Variants in PSMD13 observed in about 807,000 individuals in gnomAD.
PSMD13 encodes the protein 26S proteasome non-ATPase regulatory subunit 13.
PSMD13 carries 8 observed loss-of-function variants against 57.4 expected under a neutral mutation model. The ratio of observed to expected loss-of-function variants is 0.14; its 90% CI spans 0.08 to 0.25. The LOEUF (loss-of-function observed/expected upper bound fraction) is 0.25. Ranked by LOEUF, PSMD13 falls within the 10% of genes least tolerant of loss-of-function variation. The pLI is 1.00. For missense variants in PSMD13, 400 were observed against 461.5 expected (o/e 0.87, Z 1.22); for synonymous variants, 193 against 168.2 (o/e 1.15, Z -1.14).
At chr11:244,835 TTTC>T (rs1203995093) in intron 6 of PSMD13, 74 bp downstream of exon 6, 2 of 1,240,142 alleles carry the variant, frequency 1.6e-6, no homozygotes, top group Non-Finnish European at 2.3e-6. Flanking sequence ...ATAACCTATT[TTTC>T]TTCTTTACTG....
rs572895373 is a variant in PSMD13 at position 250,508 on chromosome 11, C to T, written c.775-295C>T. Among the ~76,000 whole-genome samples, 13 of 152,284 alleles carry T rather than the reference C, an allele frequency of 8.5e-5. No individual in the cohort carries two copies. The South Asian group carries it at 1.2e-3, about 15-fold the overall frequency. On this transcript the variant is annotated intron_variant, in intron 9 of 12. Coordinates refer to ENST00000532097, the MANE Select transcript of PSMD13 (RefSeq NM_002817.4). ...ACCAGGAGAGTCTTCTCGAAATGCC[C>T]GTACCCTGTGGCCCTGCCTAATGGT...
rs1399393778 is a variant in PSMD13 at position 248,776 on chromosome 11, T to C, written c.569T>C (p.Val190Ala). The change falls in exon 8 of 13, where the codon GTG becomes GCG. Residue 190 changes from valine to alanine, a missense_variant and splice_region_variant. Val to Ala is a moderately conservative substitution (Grantham distance 64). Transcript: ENST00000532097. ...LGCVDIKDLP[V>A]SEQQERAFTL... ...AAGTGGGCCTGTGTTGCTACCATAG[T>C]GTCTGAGCAGCAGGAGAGAGCCTTC... is the stretch of plus-strand genomic sequence containing the variant. The C allele has an allele frequency of 1.2e-6, 2 of 1,613,894 alleles. No individual in the cohort carries two copies. The highest frequency in any genetic ancestry group is 1.7e-5 in the Admixed American group (1 of 60,012).
Position 244,462 on chromosome 11 carries a change from G to A in PSMD13, c.302G>A (p.Arg101His), listed in dbSNP as rs376432155. Reference protein sequence around the residue: ...NVALTFLEKTREKVKSSDEAV... With the variant: ...NVALTFLEKTHEKVKSSDEAV... The stretch of plus-strand genomic sequence containing the variant: ...GCTCTTACTTTTCTGGAAAAGACTC[G>A]TGAGAAGGTAAATGTGGCATGTGGG... The change falls in exon 5 of 13, where the codon CGT becomes CAT. Residue 101 changes from arginine (R) to histidine (H), a missense_variant. Transcript: ENST00000532097. The A allele has an allele frequency of 1.7e-5, 28 of 1,606,018 alleles. No homozygotes were observed. The highest frequency in any genetic ancestry group is 3.4e-5 in the Admixed American group (2 of 59,368).
chr11:238,541 C>T (rs1859439641), intron 1 of PSMD13, among the ~76,000 whole-genome samples: 1 of 152,142 alleles, frequency 6.6e-6, no homozygotes, highest in South Asian at 2.1e-4. Flanking sequence ...CGCAGTGGCT[C>T]ATGCCTGTAA....
At chr11:241,898 C>G (rs551911915) in intron 2 of PSMD13, among the ~76,000 whole-genome samples, 1 of 152,128 alleles carries the variant, frequency 6.6e-6, no homozygotes, top group African/African-American at 2.4e-5. Flanking sequence ...AGAGACCAAT[C>G]TTCAGTGCTT....
intron 2 of PSMD13, among the ~76,000 whole-genome samples, chr11:241,241 C>G (rs1859507344): frequency 1.3e-5 from 2 of 152,088 alleles, no homozygotes; most frequent in African/African-American, 4.8e-5. Flanking sequence ...CCAGTTCAAG[C>G]CATTCTCATG....
chr11:251,951 A>G lies in PSMD13; in HGVS notation c.1035+15A>G, dbSNP rs1328645540. Reference sequence around the variant, plus strand: ...ATTTGCAACAGGTGATGTGTTTGAAACCCATTATTCACCTCTGTGGATTTT... The same window carrying G: ...ATTTGCAACAGGTGATGTGTTTGAAGCCCATTATTCACCTCTGTGGATTTT... On this transcript the variant is annotated intron_variant, in intron 12 of 12. Transcript: ENST00000532097. This position sits in a 1 kb window ranked among gnomAD's most constrained non-coding sequence, Gnocchi z 4.6. 1.9e-6 allele frequency: 3 copies of G among 1,605,420 alleles called. No individual in the cohort carries two copies. The highest frequency in any genetic ancestry group is 3.3e-5 in the Admixed American group (2 of 59,842).
At chr11:250,933 C>A in intron 10 of PSMD13, 68 bp downstream of exon 10, 3 of 1,388,236 alleles carry the variant, frequency 2.2e-6, no homozygotes, top group South Asian at 2.3e-5. Context: ...GCGCTGCACT[C>A]TCCAAGCCTG....
At chr11:242,042 C>G (rs556978966) in intron 2 of PSMD13, among the ~76,000 whole-genome samples, 1 of 152,188 alleles carries the variant, frequency 6.6e-6, no homozygotes, top group Non-Finnish European at 1.5e-5. Flanking sequence ...GGCCACCTCT[C>G]TAACCGCCCT....
rs567621273 is a variant in PSMD13 at position 237,164 on chromosome 11, G to C, written c.95+20G>C. On this transcript the variant is annotated intron_variant, in intron 1 of 12. Transcript: ENST00000532097. ...GAAGAAGTGAGCGCCGAGCAGACGG[G>C]CCCTGGGCCCCGGCGATAGAGGGAG... 19 of 1,597,720 alleles carry C rather than the reference G, an allele frequency of 1.2e-5. No individual in the cohort carries two copies. Among genetic ancestry groups the C allele is most frequent in the Non-Finnish European group, 1.5e-5 (18 of 1,169,884 alleles).
At position 251,806 on chromosome 11, in the gene PSMD13, C is replaced by A; in HGVS notation, c.919-14C>A. 6.2e-7 allele frequency: 1 copy of A among 1,611,944 alleles called. No homozygotes were observed. The highest frequency in any genetic ancestry group is 8.5e-7 in the Non-Finnish European group (1 of 1,178,328). ...AGGCTATCTTGTCTTACACACGCCT[C>A]CCTCTCTGCACAGGTGGAGCTTCTG... On this transcript the variant is annotated splice_polypyrimidine_tract_variant and intron_variant, in intron 11 of 12. Transcript: ENST00000532097. The surrounding 1 kb of genome is among the most constrained non-coding windows in gnomAD (Gnocchi z 4.6).
chr11:243,560 G>C (rs562610250), intron 2 of PSMD13: 2 of 353,100 alleles, frequency 5.7e-6, no homozygotes, highest in South Asian at 2.4e-5. Flanking sequence ...TTCCACAGTG[G>C]TCTTCTTATT....
chr11:244,109 A>T, intron 3 of PSMD13, 34 bp downstream of exon 3: 1 of 1,606,024 alleles, frequency 6.2e-7, no homozygotes, highest in Non-Finnish European at 8.5e-7. Context: ...CACTTTGAAA[A>T]TGAGTGCATT....
At chr11:248,897 A>G in intron 8 of PSMD13, 35 bp from the exon 9 acceptor site, 3 of 1,614,128 alleles carry the variant, frequency 1.9e-6, no homozygotes, top group Admixed American at 1.7e-5. Context: ...GAGAGAGACT[A>G]AAGTGTTACT....
chr11:245,087 C>T (rs531763688), intron 6 of PSMD13, among the ~76,000 whole-genome samples: 19 of 152,150 alleles, frequency 1.2e-4, no homozygotes, highest in East Asian at 7.7e-4. Flanking sequence ...ATTACAGGCG[C>T]GTGCCTCCCT....
rs2133991144 is a variant in PSMD13, at chr11:248,763, G to A, written c.569-13G>A. ...ATGACTGGATTGTAAGTGGGCCTGT[G>A]TTGCTACCATAGTGTCTGAGCAGCA... On this transcript the variant is annotated splice_polypyrimidine_tract_variant and intron_variant, in intron 7 of 12. Coordinates refer to ENST00000532097, the MANE Select transcript of PSMD13 (RefSeq NM_002817.4). The A allele has an allele frequency of 6.2e-7, 1 of 1,613,222 alleles. No homozygotes were observed. Among genetic ancestry groups the A allele is most frequent in the East Asian group, 2.2e-5 (1 of 44,890 alleles).
At chr11:242,277 AG>A (rs1859531762) in intron 2 of PSMD13, among the ~76,000 whole-genome samples, 1 of 147,522 alleles carries the variant, frequency 6.8e-6, no homozygotes, top group Non-Finnish European at 1.5e-5. Flanking sequence ...ATGGAGTCTG[AG>A]GAAGTGCTCA....
rs1859766215 is a variant in PSMD13, at chr11:251,640, G to C, written c.918+14G>C. On this transcript the variant is annotated intron_variant, in intron 11 of 12. Coordinates refer to ENST00000532097, the MANE Select transcript of PSMD13 (RefSeq NM_002817.4). This position sits in a 1 kb window ranked among gnomAD's most constrained non-coding sequence, Gnocchi z 4.6. ...ACAGTGAATGAGGTACGGTCCCTAG[G>C]CTCAGGGTGTTAGAGCAGCAAAGCT... 1 of 1,607,896 alleles carries C rather than the reference G, an allele frequency of 6.2e-7. No individual in the cohort carries two copies. Among genetic ancestry groups the C allele is most frequent in the Non-Finnish European group, 8.5e-7 (1 of 1,174,626 alleles).
chr11:249,378 G>A (rs1397519400), intron 9 of PSMD13, among the ~76,000 whole-genome samples: 1 of 152,094 alleles, frequency 6.6e-6, no homozygotes, highest in Non-Finnish European at 1.5e-5. Context: ...TTAGGAATGA[G>A]TGAAGAGGTA....
Sources: gnomAD v4.1 joint callset for allele counts (sites outside exome capture counted in the v4.1 genomes callset) on GRCh38, gnomAD v4.1.1 for gene constraint, Gnocchi (gnomAD v3.1) non-coding constraint, MANE v1.5 for transcripts, NCBI Gene and HGNC (gene_info 2026-07-23, HGNC 2026-07-21) for gene names.